Variants in BEND6 observed in about 807,000 individuals in gnomAD.
The protein encoded by BEND6 is BEN domain containing 6, also known as BEN domain-containing protein 6.
BEND6 carries 24 observed loss-of-function variants against 31.8 expected under a neutral mutation model. The observed-to-expected ratio is 0.75, with a 90% CI of 0.55 to 1.06. The LOEUF is 1.06. BEND6 is among the 50% of genes least tolerant of loss of function. The pLI, the probability that BEND6 is intolerant of heterozygous loss-of-function variation, is 0.00. For missense variants in BEND6, 294 were observed against 327.4 expected (o/e 0.90, Z 0.79); for synonymous variants, 109 against 114.6 (o/e 0.95, Z 0.31).
chr6:57,008,102 G>C (rs1827223476), intron 3 of BEND6: 1 of 692,080 alleles, frequency 1.4e-6, no homozygotes, highest in Non-Finnish European at 2.6e-6. Context: ...TGCTAAGTCT[G>C]ATTAAAAGGG....
intron 1 of BEND6, among the ~76,000 whole-genome samples, chr6:56,972,129 C>CG (rs1481196566): frequency 9.4e-6 from 1 of 106,012 alleles, no homozygotes; most frequent in East Asian, 3.2e-4. Context: ...GAGTCTTACT[C>CG]TATCACCCAG....
At chr6:56,990,593 C>T (rs983990358) in intron 2 of BEND6, among the ~76,000 whole-genome samples, 1 of 152,080 alleles carries the variant, frequency 6.6e-6, no homozygotes, top group Non-Finnish European at 1.5e-5. Context: ...TAACCCTGAA[C>T]CAGCACCCTA....
chr6:56,980,137 T>C (rs1826018387), intron 1 of BEND6, among the ~76,000 whole-genome samples: 1 of 152,194 alleles, frequency 6.6e-6, no homozygotes, highest in South Asian at 2.1e-4. Context: ...ATTCCCTGGA[T>C]CTCTTCCTAC....
chr6:57,011,595 G>A (rs922644565), intron 3 of BEND6, among the ~76,000 whole-genome samples: 10 of 151,116 alleles, frequency 6.6e-5, no homozygotes, highest in African/African-American at 2.4e-4. Flanking sequence ...GTGCACACCC[G>A]TAGACCCAGC....
chr6:56,994,613 A>G (rs1826635359), intron 3 of BEND6, among the ~76,000 whole-genome samples: 1 of 152,114 alleles, frequency 6.6e-6, no homozygotes, highest in Non-Finnish European at 1.5e-5. Flanking sequence ...GGAAGGCAAT[A>G]TATGATTTCC....
intron 3 of BEND6, among the ~76,000 whole-genome samples, chr6:56,997,734 T>TA (rs1271539818): frequency 6.6e-6 from 1 of 152,116 alleles, no homozygotes; most frequent in African/African-American, 2.4e-5. Flanking sequence ...TTTGTATTTT[T>TA]AGTAGAGACG....
intron 3 of BEND6, among the ~76,000 whole-genome samples, chr6:56,994,454 T>C (rs1275141299): frequency 3.3e-5 from 1 of 29,922 alleles, no homozygotes; most frequent in Non-Finnish European, 6.0e-5. Context: ...CGAGACTCCA[T>C]CTCAAAAAAA....
At chr6:56,968,312 C>CTTTTTTTTTTTTTTTTT (rs779756084) in intron 1 of BEND6, among the ~76,000 whole-genome samples, 8 of 65,988 alleles carry the variant, frequency 1.2e-4, no homozygotes, top group Non-Finnish European at 1.3e-4. Context: ...TCTTTCTTTT[C>CTTTTTTTTTTTTTTTTT]TTTTTTTTTT....
At chr6:57,021,680 G>C (rs1398316346) in intron 6 of BEND6, among the ~76,000 whole-genome samples, 1 of 152,072 alleles carries the variant, frequency 6.6e-6, no homozygotes, top group East Asian at 1.9e-4. Context: ...AAGATTTACA[G>C]AATATTAGGC....
At chr6:56,959,265 C>G (rs2127836442) in intron 1 of BEND6, among the ~76,000 whole-genome samples, 1 of 152,216 alleles carries the variant, frequency 6.6e-6, no homozygotes, top group Non-Finnish European at 1.5e-5. Context: ...GGTTTCTTCC[C>G]CATCTAATCT....
rs767650273 is a variant in BEND6, at chr6:57,018,493, A to G, written c.785A>G (p.Asn262Ser). The G allele has an allele frequency of 1.9e-6, 3 of 1,588,434 alleles. No homozygotes were observed. Among genetic ancestry groups the G allele is most frequent in the Admixed American group, 1.9e-5 (1 of 53,864 alleles). The change falls in exon 6 of 7, where the codon AAC becomes AGC. Residue 262 changes from asparagine (N) to serine (S), a missense_variant. By Grantham distance (46) the Asn-to-Ser change is conservative. Transcript: ENST00000370746. ...AGAATGATAGGGCAAAAGCTAAACA[A>G]CTGTACCAAGAAGCCAAATTTAAGC... ...IRRMIGQKLN[N>S]CTKKPNLSKN...
At chr6:56,988,898 G>T (rs955433153) in intron 2 of BEND6, among the ~76,000 whole-genome samples, 53 of 152,172 alleles carry the variant, frequency 3.5e-4, no homozygotes, top group African/African-American at 1.2e-3. Flanking sequence ...GGGCATGCTG[G>T]CGCGTGCCTG....
At chr6:56,990,293 C>T (rs1263703363) in intron 2 of BEND6, among the ~76,000 whole-genome samples, 1 of 136,234 alleles carries the variant, frequency 7.3e-6, no homozygotes, top group Non-Finnish European at 1.6e-5. Flanking sequence ...CTCTGTCTTC[C>T]AGGCTGTGTG....
chr6:57,002,319 T>C (rs1393648395), intron 3 of BEND6, among the ~76,000 whole-genome samples: 1 of 152,082 alleles, frequency 6.6e-6, no homozygotes, highest in South Asian at 2.1e-4. Context: ...TGCAGAAAAC[T>C]AACACAGGAA....
At chr6:57,020,346 A>G (rs971986317) in intron 6 of BEND6, among the ~76,000 whole-genome samples, 2 of 151,156 alleles carry the variant, frequency 1.3e-5, no homozygotes, top group East Asian at 3.9e-4. Flanking sequence ...TCATGAGCTC[A>G]AGCAATCCTT....
intron 3 of BEND6, among the ~76,000 whole-genome samples, chr6:56,994,842 T>C (rs367817898): frequency 3.9e-5 from 6 of 152,182 alleles, no homozygotes; most frequent in African/African-American, 1.4e-4. Flanking sequence ...CAATAGCATA[T>C]AAAAATAATC....
rs980954320 is a variant in BEND6 at position 56,992,085 on chromosome 6, T to C, written c.121-293T>C. Among the ~76,000 whole-genome samples, 4 of 152,226 alleles carry C rather than the reference T, an allele frequency of 2.6e-5. No individual in the cohort carries two copies. In the East Asian group the frequency reaches 5.8e-4, roughly 22 times the overall value. On this transcript the variant is annotated intron_variant, in intron 2 of 6. Coordinates refer to ENST00000370746, the MANE Select transcript of BEND6 (RefSeq NM_152731.3). ...GAAGACCAGATTTGAATGGTGGTCT[T>C]GTTGATTTTATTCTGTTTTGCTAAT...
At chr6:57,006,881 C>A (rs1213625655) in intron 3 of BEND6, among the ~76,000 whole-genome samples, 1 of 152,160 alleles carries the variant, frequency 6.6e-6, no homozygotes, top group Non-Finnish European at 1.5e-5. Flanking sequence ...AAAACAGACA[C>A]ATTAGACCAA....
chr6:57,004,634 G>C, intron 3 of BEND6: 2 of 1,112,714 alleles, frequency 1.8e-6, no homozygotes, highest in Non-Finnish European at 2.7e-6. Context: ...CTCCTACGTG[G>C]GCTGAATGCA....
Sources: gnomAD v4.1 joint callset for allele counts (sites outside exome capture counted in the v4.1 genomes callset) on GRCh38, gnomAD v4.1.1 for gene constraint, MANE v1.5 for transcripts, NCBI Gene and HGNC (gene_info 2026-07-23, HGNC 2026-07-21) for gene names.